NINJ1: variants seen among roughly 807,000 people sequenced by gnomAD.
NINJ1 encodes ninjurin-1.
Under a neutral mutation model 12.7 loss-of-function variants are expected in NINJ1, and 6 were observed. The observed-to-expected ratio is 0.47, with a 90% confidence interval of 0.26 to 0.93. The LOEUF (loss-of-function observed/expected upper bound fraction) is 0.93. Ranked by LOEUF, NINJ1 falls within the 40% of genes least tolerant of loss-of-function variation. The pLI is 0.15. For missense variants in NINJ1, 170 were observed against 213.0 expected, an observed-to-expected ratio of 0.80 and a Z score of 1.26; for synonymous variants, 100 against 96.0, an observed-to-expected ratio of 1.04 and a Z score of -0.25.
chr9:93,127,871 A>G (rs1827835854), intron 1 of NINJ1, among the ~76,000 whole-genome samples: 1 of 152,226 alleles, frequency 6.6e-6, no homozygotes, highest in Non-Finnish European at 1.5e-5. Context: ...GCAGGGCCAC[A>G]GGGAGGGGCG....
chr9:93,122,794 T>C (rs2185974), intron 3 of NINJ1, among the ~76,000 whole-genome samples: 141,426 of 152,274 alleles, frequency 0.93, 65,805 homozygotes, highest in Non-Finnish European at 0.96. Flanking sequence ...TGAGGACAGC[T>C]TTAAGGTCCA....
At chr9:93,125,556 G>C (rs555607863) in intron 2 of NINJ1, 4 of 154,612 alleles carry the variant, frequency 2.6e-5, no homozygotes, top group African/African-American at 9.6e-5. Context: ...GGGTCAACAA[G>C]AACCCGGTGA....
chr9:93,126,322 G>A (rs1827808248), intron 2 of NINJ1, 88 bp downstream of exon 2: 2 of 1,167,564 alleles, frequency 1.7e-6, no homozygotes, highest in Non-Finnish European at 2.5e-6. Context: ...AGCCAAGTGT[G>A]CAAGGTGGTG....
At chr9:93,126,388 C>A in intron 2 of NINJ1, 22 bp downstream of exon 2, 1 of 1,596,328 alleles carries the variant, frequency 6.3e-7, no homozygotes, top group Non-Finnish European at 8.6e-7. Context: ...GGTGGCCTGG[C>A]TGCCCCCACC....
intron 3 of NINJ1, 113 bp downstream of exon 3, chr9:93,124,786 A>G (rs987566378): frequency 4.7e-5 from 55 of 1,173,750 alleles, no homozygotes; most frequent in Admixed American, 1.2e-4. Flanking sequence ...GAGGATGCCC[A>G]TGGCCTAGGA....
At chr9:93,125,251 G>C in intron 2 of NINJ1, 189 bp from the exon 3 acceptor site, 1 of 550,858 alleles carries the variant, frequency 1.8e-6, no homozygotes, top group Non-Finnish European at 3.1e-6. Context: ...ATGGACAACA[G>C]CGCCCCTGGC....
chr9:93,133,797 G>GT (rs1188453654), intron 1 of NINJ1, among the ~76,000 whole-genome samples: 9 of 151,874 alleles, frequency 5.9e-5, no homozygotes, highest in African/African-American at 9.7e-5. Context: ...CCGCGCGAGA[G>GT]TGGGGGGGAG....
chr9:93,130,053 C>A (rs114670941), intron 1 of NINJ1, among the ~76,000 whole-genome samples: 1 of 152,340 alleles, frequency 6.6e-6, no homozygotes, highest in African/African-American at 2.4e-5. Context: ...GGAGCTAAGC[C>A]CTGCTGAGAC....
At chr9:93,132,017 A>C (rs1827902408) in intron 1 of NINJ1, among the ~76,000 whole-genome samples, 1 of 152,188 alleles carries the variant, frequency 6.6e-6, no homozygotes, top group Non-Finnish European at 1.5e-5. Flanking sequence ...TGGCAGGCAG[A>C]AGGATGAGGG....
intron 3 of NINJ1, among the ~76,000 whole-genome samples, chr9:93,123,287 A>ATT (rs1014605153): frequency 6.8e-6 from 1 of 146,678 alleles, no homozygotes; most frequent in African/African-American, 2.5e-5. Context: ...CTCTTGGGGA[A>ATT]TTTTTTTTTT....
At chr9:93,123,291 T>A (rs1827760062) in intron 3 of NINJ1, among the ~76,000 whole-genome samples, 1 of 152,000 alleles carries the variant, frequency 6.6e-6, no homozygotes, top group Admixed American at 6.5e-5. Flanking sequence ...TGGGGAATTT[T>A]TTTTTTTTCC....
rs564978436 is a variant in NINJ1, at chr9:93,127,247, C to T, written c.76-609G>A. ...CTTCACTGAGGTGGGCCACCCAGAGCCCGGCCCCGACACAGCAGAGGCTCA... is the reference window on the plus strand; with the variant it reads ...CTTCACTGAGGTGGGCCACCCAGAGTCCGGCCCCGACACAGCAGAGGCTCA... On this transcript the variant is annotated intron_variant, in intron 1 of 3. Transcript: ENST00000375446. Among the ~76,000 whole-genome samples, 14 of 152,354 alleles carry T rather than the reference C, an allele frequency of 9.2e-5. No individual in the cohort carries two copies. In the East Asian group the frequency reaches 2.7e-3, roughly 29 times the overall value.
intron 1 of NINJ1, among the ~76,000 whole-genome samples, chr9:93,128,994 C>T (rs1208525431): frequency 6.6e-6 from 1 of 152,198 alleles, no homozygotes; most frequent in African/African-American, 2.4e-5. Flanking sequence ...CTGAGCTCTG[C>T]AGAACCATTT....
At chr9:93,130,319 G>A (rs146557653) in intron 1 of NINJ1, among the ~76,000 whole-genome samples, 1 of 152,334 alleles carries the variant, frequency 6.6e-6, no homozygotes, top group Non-Finnish European at 1.5e-5. Context: ...GGCCACTTCA[G>A]TGAGCATCCT....
chr9:93,122,224 C>T lies in NINJ1; in HGVS notation c.*16G>A, dbSNP rs1827746819. 6.5e-6 allele frequency: 1 copy of T among 153,448 alleles called. No homozygotes were observed. The highest frequency in any genetic ancestry group is 1.4e-5 in the Non-Finnish European group (1 of 69,006). The allele number at this position is 153,448 out of a possible 1,614,324, so 9.5% of individuals were successfully genotyped here. A position where few individuals can be genotyped will look rare whatever the true frequency, so the allele number is the denominator to read the frequency against. ...GCTGAGTTGCAGGGCAGGCAACATCCAGGGTCCTGGAAAGGAGACAGAGGA... is the reference window on the plus strand; with the variant it reads ...GCTGAGTTGCAGGGCAGGCAACATCTAGGGTCCTGGAAAGGAGACAGAGGA... On this transcript the variant is annotated 3_prime_UTR_variant, in exon 4 of 4. Transcript: ENST00000375446.
rs1391385910 is a variant in NINJ1, at chr9:93,125,000, T to C, written c.367A>G (p.Thr123Ala). 6.2e-7 allele frequency: 1 copy of C among 1,613,928 alleles called. No homozygotes were observed. Among genetic ancestry groups the C allele is most frequent in the Non-Finnish European group, 8.5e-7 (1 of 1,179,932 alleles). Residue 123 changes from threonine to alanine, a missense_variant, in exon 3 of 4, where the codon ACG becomes GCG. Physicochemically the swap from Thr to Ala is moderately conservative, Grantham distance 58. Coordinates refer to ENST00000375446, the MANE Select transcript of NINJ1 (RefSeq NM_004148.4). Reference protein sequence around the residue: ...AKLDFLNNLATGLVFIIVVVN... With the variant: ...AKLDFLNNLAAGLVFIIVVVN... ...ACCACGATGATGAACACCAGGCCCG[T>C]GGCCAGGTTGTTGAGGAAGTCCAGC...
At chr9:93,124,259 GA>G (rs1379300112) in intron 3 of NINJ1, among the ~76,000 whole-genome samples, 4 of 152,212 alleles carry the variant, frequency 2.6e-5, no homozygotes, top group Non-Finnish European at 4.4e-5. Context: ...CTTATCAAGA[GA>G]AGCCGGAAAT....
intron 1 of NINJ1, 50 bp from the exon 2 acceptor site, chr9:93,126,688 G>A (rs768150552): frequency 6.8e-7 from 1 of 1,472,612 alleles, no homozygotes; most frequent in Non-Finnish European, 9.2e-7. Context: ...GGGGGCAAGG[G>A]CTGTGCCTGA....
In NINJ1 at chr9:93,126,120, C is replaced by T. The variant is rs151099816; in HGVS notation, c.304+290G>A. On this transcript the variant is annotated intron_variant, in intron 2 of 3. Transcript: ENST00000375446. ...GCTGAGGTGGGAGGATCGCTTGAGC[C>T]CAGGAGATGCAGCTTGCAGTGAGCC... is the stretch of plus-strand genomic sequence containing the variant. The T allele has an allele frequency of 3.3e-3, 1,441 of 432,908 alleles. 6 individuals carry two copies. Among genetic ancestry groups the T allele is most frequent in the Non-Finnish European group, 4.7e-3 (1,136 of 241,574 alleles). 26.8% of individuals were successfully genotyped at this position (432,908 alleles called of 1,614,324 possible).
Sources: allele counts gnomAD v4.1 joint callset (sites outside exome capture counted in the v4.1 genomes callset), GRCh38; gene constraint gnomAD v4.1.1; transcripts MANE v1.5; gene names NCBI Gene and HGNC (gene_info 2026-07-23, HGNC 2026-07-21).